The following STK31 variants were observed in gnomAD, a reference collection of about 807,000 sequenced individuals.
The protein encoded by STK31 is serine/threonine kinase 31.
STK31 carries 89 observed loss-of-function variants against 129.7 expected under a neutral mutation model. The observed-to-expected ratio is 0.69, with a 90% CI of 0.58 to 0.82. STK31 has a LOEUF of 0.82. Among genes scored for constraint, STK31 ranks in the 40% least tolerant of loss-of-function variants. The pLI is 0.00. For synonymous variants in STK31, 448 were observed against 395.3 expected (o/e 1.13, Z -1.58); for missense variants, 1,187 against 1,176.4 (o/e 1.01, Z -0.13).
At chr7:23,759,856 A>T (rs1789349297) in intron 10 of STK31, among the ~76,000 whole-genome samples, 1 of 152,174 alleles carries the variant, frequency 6.6e-6, no homozygotes, top group African/African-American at 2.4e-5. Flanking sequence ...TGGAAGCTAT[A>T]CCTATGGAGT....
At chr7:23,813,931 C>A (rs943283770) in intron 22 of STK31, among the ~76,000 whole-genome samples, 1 of 151,858 alleles carries the variant, frequency 6.6e-6, no homozygotes, top group South Asian at 2.1e-4. Context: ...CCTGTGGCCT[C>A]GTTGGTGTCT....
At chr7:23,828,805 C>T (rs904797598) in intron 23 of STK31, among the ~76,000 whole-genome samples, 2 of 152,200 alleles carry the variant, frequency 1.3e-5, no homozygotes, top group East Asian at 3.9e-4. Context: ...CTGACTAGGA[C>T]TTCCAGGACT....
At chr7:23,738,664 C>T (rs1020117340) in intron 8 of STK31, among the ~76,000 whole-genome samples, 6 of 152,114 alleles carry the variant, frequency 3.9e-5, no homozygotes, top group African/African-American at 1.4e-4. Context: ...TCAAGCGATT[C>T]TCCTGCCTCA....
chr7:23,811,286 A>G (rs1308477550), intron 22 of STK31: 4 of 395,292 alleles, frequency 1.0e-5, no homozygotes, highest in Non-Finnish European at 2.0e-5. Flanking sequence ...ATTAGCAAGT[A>G]TGTGCTTGAT....
intron 8 of STK31, among the ~76,000 whole-genome samples, chr7:23,738,660 G>A (rs1787866998): frequency 6.6e-6 from 1 of 151,644 alleles, no homozygotes. Flanking sequence ...AGGTTCAAGC[G>A]ATTCTCCTGC....
At chr7:23,758,987 C>T (rs1334178906) in intron 10 of STK31, among the ~76,000 whole-genome samples, 1 of 152,114 alleles carries the variant, frequency 6.6e-6, no homozygotes, top group Non-Finnish European at 1.5e-5. Context: ...GCAGAGGTTG[C>T]AGTCCTAGTC....
At chr7:23,803,737 A>G (rs1257988969) in intron 22 of STK31, among the ~76,000 whole-genome samples, 1 of 151,768 alleles carries the variant, frequency 6.6e-6, no homozygotes, top group Non-Finnish European at 1.5e-5. Flanking sequence ...CCTTCCTCCT[A>G]CCCTCTGCCC....
chr7:23,821,888 A>G (rs1324622038), intron 23 of STK31, among the ~76,000 whole-genome samples: 1 of 152,116 alleles, frequency 6.6e-6, no homozygotes, highest in Non-Finnish European at 1.5e-5. Flanking sequence ...CAGTTTTCCC[A>G]GCACCATTTA....
rs1288954869 is a variant in STK31, at chr7:23,770,991, G to A, written c.1714-14G>A. 1 of 1,604,514 alleles carries A rather than the reference G, an allele frequency of 6.2e-7. No homozygotes were observed. The highest frequency in any genetic ancestry group is 8.5e-7 in the Non-Finnish European group (1 of 1,176,272). ...TTCCTTTGTGTATAATTCTATGTGTGTGATTTCATTTAGGATCAAGGTGAT... is the reference window on the plus strand; with the variant it reads ...TTCCTTTGTGTATAATTCTATGTGTATGATTTCATTTAGGATCAAGGTGAT... On this transcript the variant is annotated splice_polypyrimidine_tract_variant and intron_variant, in intron 13 of 23. Coordinates refer to ENST00000355870, the MANE Select transcript of STK31 (RefSeq NM_031414.5).
At position 23,717,495 on chromosome 7, in the gene STK31, T is replaced by G. The variant is rs1464353639; in HGVS notation, c.165T>G (p.Asn55Lys). The stretch of plus-strand genomic sequence containing the variant: ...AATCTTTCTAGAGTATCAATAGAAA[T>G]AAGGATATCATGAAGATTGGTTGCT... ...VTFWAQSINR[N>K]KDIMKIGCSL... Residue 55 changes from asparagine (N) to lysine (K), a missense_variant, in exon 4 of 24, where the codon AAT (asparagine) becomes AAG (lysine). Coordinates refer to ENST00000355870, the MANE Select transcript of STK31 (RefSeq NM_031414.5). 1.2e-6 allele frequency: 2 copies of G among 1,610,200 alleles called. No homozygotes were observed. The highest frequency in any genetic ancestry group is 1.7e-6 in the Non-Finnish European group (2 of 1,177,110).
chr7:23,774,490 C>T (rs1015188131), intron 15 of STK31, among the ~76,000 whole-genome samples: 4 of 152,096 alleles, frequency 2.6e-5, no homozygotes, highest in South Asian at 4.1e-4. Context: ...GGTATGAGAT[C>T]GTATCTCACT....
Position 23,783,566 on chromosome 7 carries a change from T to C in STK31, c.2068-17T>C. The C allele has an allele frequency of 6.3e-7, 1 of 1,589,156 alleles. No homozygotes were observed. Among genetic ancestry groups the C allele is most frequent in the Non-Finnish European group, 8.5e-7 (1 of 1,173,294 alleles). On this transcript the variant is annotated splice_polypyrimidine_tract_variant and intron_variant, in intron 16 of 23. Coordinates refer to ENST00000355870, the MANE Select transcript of STK31 (RefSeq NM_031414.5). The stretch of plus-strand genomic sequence containing the variant: ...TATATTGATCTACAGTTAAAAACTT[T>C]TTTTTTTTAACTTTAGGAGATGCTA...
intron 3 of STK31, among the ~76,000 whole-genome samples, chr7:23,716,035 A>G (rs1389360592): frequency 1.3e-5 from 2 of 152,182 alleles, no homozygotes; most frequent in South Asian, 2.1e-4. Context: ...GTACAATGCT[A>G]TTAACTAAAC....
At chr7:23,736,541 G>A (rs947524241) in intron 7 of STK31, among the ~76,000 whole-genome samples, 9 of 146,518 alleles carry the variant, frequency 6.1e-5, no homozygotes, top group African/African-American at 1.3e-4. Flanking sequence ...GGTGGGAGGC[G>A]GTGGACGGGG....
chr7:23,716,729 G>C (rs976939901), intron 3 of STK31, among the ~76,000 whole-genome samples: 3 of 151,284 alleles, frequency 2.0e-5, no homozygotes, highest in Non-Finnish European at 4.4e-5. Flanking sequence ...TTGGCCATTG[G>C]GACAAAGTTC....
At chr7:23,774,267 C>A (rs1790393041) in intron 15 of STK31, among the ~76,000 whole-genome samples, 1 of 152,114 alleles carries the variant, frequency 6.6e-6, no homozygotes, top group Admixed American at 6.6e-5. Flanking sequence ...TTTATAGTAG[C>A]ATGATTTATA....
At chr7:23,817,380 T>C (rs1258925564) in intron 23 of STK31, among the ~76,000 whole-genome samples, 1 of 151,534 alleles carries the variant, frequency 6.6e-6, no homozygotes, top group Non-Finnish European at 1.5e-5. Context: ...TTTGAACAAG[T>C]AAGCAAGATT....
intron 4 of STK31, among the ~76,000 whole-genome samples, chr7:23,723,216 T>C (rs1786834848): frequency 6.6e-6 from 1 of 152,172 alleles, no homozygotes; most frequent in East Asian, 1.9e-4. Flanking sequence ...TCTCCTCTTT[T>C]CTTTATAAAT....
At chr7:23,827,822 C>T (rs1238308820) in intron 23 of STK31, among the ~76,000 whole-genome samples, 1 of 152,172 alleles carries the variant, frequency 6.6e-6, no homozygotes, top group Non-Finnish European at 1.5e-5. Context: ...AGTCAGGACC[C>T]TCTGCTGCAG....
Sources: allele counts gnomAD v4.1 joint callset (sites outside exome capture counted in the v4.1 genomes callset), GRCh38; gene constraint gnomAD v4.1.1; transcripts MANE v1.5; gene names NCBI Gene and HGNC (gene_info 2026-07-23, HGNC 2026-07-21).